HESX1: variants seen among roughly 807,000 people sequenced by gnomAD.
The protein encoded by HESX1 is homeobox expressed in ES cells 1.
In HESX1, 11 loss-of-function variants were observed where a neutral mutation model predicts 22.5. That is an observed-to-expected ratio of 0.49 (90% CI 0.31 to 0.81). HESX1 has a LOEUF of 0.81. HESX1 is among the 30% of genes least tolerant of loss of function. The probability of loss-of-function intolerance (pLI) is 0.05; values close to 1 mark genes in which losing one functional copy is unlikely to be tolerated. For synonymous variants in HESX1, 74 were observed against 76.5 expected, an observed-to-expected ratio of 0.97 and a Z score of 0.17; for missense variants, 201 against 212.6, an observed-to-expected ratio of 0.95 and a Z score of 0.34.
rs145053592 is a variant in HESX1 at position 57,213,538 on chromosome 3, C to T, written c.-111+12758G>A. ...AAACTTTAGTGCTATTTAATCTAAT[C>T]GCTGTAGATTAAATGGGAGTTGTCA... On this transcript the variant is annotated intron_variant, in intron 1 of 2. Coordinates refer to the HESX1 transcript ENST00000495160. Among the ~76,000 whole-genome samples, 10 of 152,336 alleles carry T rather than the reference C, an allele frequency of 6.6e-5. No homozygotes were observed. The East Asian group carries it at 1.5e-3, about 23-fold the overall frequency.
At chr3:57,204,194 GT>G, upstream of HESX1, among the ~76,000 whole-genome samples, 1 of 152,040 alleles carries the variant, frequency 6.6e-6, no homozygotes, top group Non-Finnish European at 1.5e-5. Context: ...TTTATTTTAT[GT>G]TTTTTTAGAG....
intron 1 of HESX1, among the ~76,000 whole-genome samples, chr3:57,212,874 T>C (rs944103543): frequency 6.6e-6 from 1 of 152,188 alleles, no homozygotes; most frequent in African/African-American, 2.4e-5. Context: ...ACATGTGCCA[T>C]GTTGGTTTGC....
At chr3:57,223,907 C>T (rs981019554) in intron 1 of HESX1, among the ~76,000 whole-genome samples, 5 of 152,108 alleles carry the variant, frequency 3.3e-5, no homozygotes, top group Non-Finnish European at 7.4e-5. Context: ...GTTTCCAGCT[C>T]GTTAGCCTGG....
intron 1 of HESX1, among the ~76,000 whole-genome samples, chr3:57,222,217 T>C (rs1579368609): frequency 6.6e-6 from 1 of 152,354 alleles, no homozygotes; most frequent in African/African-American, 2.4e-5. Flanking sequence ...TCTGAAAATA[T>C]TAAAATGTTT....
chr3:57,199,012 A>C lies in HESX1; in HGVS notation c.158-60T>G, dbSNP rs113664497. 2.5e-4 allele frequency: 364 copies of C among 1,468,420 alleles called. 2 individuals are homozygous for C. In the African/African-American group the frequency reaches 4.5e-3, roughly 18 times the overall value. The allele number at this position is 1,468,420 out of a possible 1,614,324, so 91.0% of individuals were successfully genotyped here. A position where few individuals can be genotyped will look rare whatever the true frequency, so the allele number is the denominator to read the frequency against. On this transcript the variant is annotated intron_variant, in intron 1 of 3. Transcript: ENST00000295934. Reference sequence around the variant, plus strand: ...TCAATCTTATGTTCCACAAAGTTCTATAGAGGTAGTTTCAGGAACTCATCT... The same window carrying C: ...TCAATCTTATGTTCCACAAAGTTCTCTAGAGGTAGTTTCAGGAACTCATCT...
rs748460226 is a variant in HESX1, at chr3:57,198,803, A to ACT, written c.305_306dup (p.Leu103SerfsTer2). The ACT allele has an allele frequency of 1.2e-6, 2 of 1,613,782 alleles. No homozygotes were observed. Among genetic ancestry groups the ACT allele is most frequent in the East Asian group, 2.2e-5 (1 of 44,850 alleles). On this transcript the variant is annotated frameshift_variant, in exon 2 of 4. Transcript: ENST00000295934. LOFTEE classifies it high-confidence loss of function. ...GGTCTTCGGCCTCTATACCAACTCA[A>ACT]CTCTCTTTTCAAAGACAGTCTTTCT...
At position 57,198,132 on chromosome 3, in the gene HESX1, T is replaced by TAA; in HGVS notation, c.*63_*64dup. On this transcript the variant is annotated 3_prime_UTR_variant, in exon 4 of 4. Coordinates refer to ENST00000295934, the MANE Select transcript of HESX1 (RefSeq NM_003865.3). ...AAAGAAAACATCACATTTTAACACT[T>TAA]AATATTTCCACTGATTCTTCATGCT... 9.9e-7 allele frequency: 1 copy of TAA among 1,014,100 alleles called. No individual in the cohort carries two copies. The highest frequency in any genetic ancestry group is 1.6e-6 in the Non-Finnish European group (1 of 642,562). The allele number at this position is 1,014,100 out of a possible 1,614,324, so 62.8% of individuals were successfully genotyped here. A position where few individuals can be genotyped will look rare whatever the true frequency, so the allele number is the denominator to read the frequency against.
chr3:57,223,801 A>T lies in HESX1; in HGVS notation c.-111+2495T>A, dbSNP rs117912262. ...AGTGATTTACTAGGTAACAACCAGA[A>T]TTTTTTGCATTATACATTACACTCT... On this transcript the variant is annotated intron_variant, in intron 1 of 2. Coordinates refer to the HESX1 transcript ENST00000495160. Among the ~76,000 whole-genome samples, 175 of 152,240 alleles carry T rather than the reference A, an allele frequency of 1.1e-3. 5 individuals carry two copies. In the East Asian group the frequency reaches 0.03, roughly 26 times the overall value.
At chr3:57,216,120 C>T (rs563913555) in intron 1 of HESX1, among the ~76,000 whole-genome samples, 94 of 152,226 alleles carry the variant, frequency 6.2e-4, no homozygotes, top group Non-Finnish European at 8.5e-4. Context: ...ATCATCAAAC[C>T]CCATCAAGTT....
At chr3:57,225,416 T>C (rs1483640453) in intron 1 of HESX1, among the ~76,000 whole-genome samples, 1 of 151,970 alleles carries the variant, frequency 6.6e-6, no homozygotes, top group Non-Finnish European at 1.5e-5. Flanking sequence ...CAGTTTCGGC[T>C]CACTGCAACC....
chr3:57,211,738 T>C (rs1173677945), intron 1 of HESX1, among the ~76,000 whole-genome samples: 1 of 150,652 alleles, frequency 6.6e-6, no homozygotes, highest in Non-Finnish European at 1.5e-5. Flanking sequence ...GAGGATGAGG[T>C]AGGAGAACTG....
At chr3:57,217,499 A>G (rs948314837) in intron 1 of HESX1, among the ~76,000 whole-genome samples, 3 of 152,150 alleles carry the variant, frequency 2.0e-5, no homozygotes, top group African/African-American at 7.2e-5. Context: ...TCTTACTCAC[A>G]GAGATGGCTT....
intron 1 of HESX1, among the ~76,000 whole-genome samples, chr3:57,199,393 C>A (rs181952720): frequency 6.6e-6 from 1 of 151,848 alleles, no homozygotes; most frequent in Non-Finnish European, 1.5e-5. Flanking sequence ...CTGAGGCAGG[C>A]GGATCACCTG....
chr3:57,209,416 C>A (rs748520102), intron 1 of HESX1, among the ~76,000 whole-genome samples: 12 of 151,874 alleles, frequency 7.9e-5, no homozygotes, highest in Admixed American at 5.9e-4. Context: ...GATGTGGAGG[C>A]GGGGTGGATC....
intron 1 of HESX1, among the ~76,000 whole-genome samples, chr3:57,215,423 G>C (rs1277434258): frequency 1.3e-5 from 2 of 152,098 alleles, no homozygotes; most frequent in African/African-American, 4.8e-5. Context: ...AGGACCCAAA[G>C]TTTCTTCTTT....
At chr3:57,206,883 A>G (rs564101544) in intron 1 of HESX1, among the ~76,000 whole-genome samples, 15 of 152,324 alleles carry the variant, frequency 9.8e-5, no homozygotes, top group African/African-American at 3.1e-4. Context: ...GCCAGCAGAA[A>G]CGAGATTTAT....
intron 2 of HESX1, 35 bp downstream of exon 2, chr3:57,198,718 T>C (rs369373382): frequency 1.3e-6 from 2 of 1,597,210 alleles, no homozygotes; most frequent in African/African-American, 2.7e-5. Flanking sequence ...ATTAAAGCCT[T>C]TATATTATCA....
At chr3:57,213,121 A>G (rs2060565353) in intron 1 of HESX1, among the ~76,000 whole-genome samples, 1 of 152,096 alleles carries the variant, frequency 6.6e-6, no homozygotes, top group African/African-American at 2.4e-5. Context: ...GCTTGGCACT[A>G]CAAGTGGATG....
intron 1 of HESX1, among the ~76,000 whole-genome samples, chr3:57,209,786 TG>T (rs1400784288): frequency 2.0e-5 from 3 of 152,226 alleles, no homozygotes; most frequent in Non-Finnish European, 4.4e-5. Flanking sequence ...TATCTTCTGC[TG>T]GTTTCTAATA....
Sources: allele counts gnomAD v4.1 joint callset (sites outside exome capture counted in the v4.1 genomes callset), GRCh38; gene constraint gnomAD v4.1.1; transcripts MANE v1.5; gene names NCBI Gene and HGNC (gene_info 2026-07-23, HGNC 2026-07-21).